The following ZNF37A variants were observed in gnomAD, a reference collection of about 807,000 sequenced individuals.
ZNF37A encodes zinc finger protein 37a (KOX 21).
In ZNF37A, 10 loss-of-function variants were observed where a neutral mutation model predicts 12.3. The ratio of observed to expected loss-of-function variants is 0.82; its 90% CI spans 0.50 to 1.38. The LOEUF (loss-of-function observed/expected upper bound fraction) is 1.38, where lower values mean the gene tolerates loss of function less well. ZNF37A is among the 40% of genes most tolerant of loss of function. The pLI, the probability that ZNF37A is intolerant of heterozygous loss-of-function variation, is 0.00. For synonymous variants in ZNF37A, 207 were observed against 223.0 expected (o/e 0.93, Z 0.64); for missense variants, 580 against 651.2 (o/e 0.89, Z 1.19).
At position 38,099,011 on chromosome 10, in the gene ZNF37A, G is replaced by A. The variant is rs186976162; in HGVS notation, c.15+2379G>A. 2.4e-4 allele frequency among the ~76,000 whole-genome samples: 37 copies of A among 152,224 alleles called. No homozygotes were observed. In the East Asian group the frequency reaches 6.7e-3, roughly 28 times the overall value. Reference sequence around the variant, plus strand: ...ATATAAGATCATGTCATCTGCAAACGAAAATATTTTTATTTCTTTCCAATT... The same window carrying A: ...ATATAAGATCATGTCATCTGCAAACAAAAATATTTTTATTTCTTTCCAATT... On this transcript the variant is annotated intron_variant, in intron 5 of 7. Transcript: ENST00000685332.
intron 5 of ZNF37A, among the ~76,000 whole-genome samples, chr10:38,112,758 T>TG (rs1564932079): frequency 1.0e-4 from 13 of 130,292 alleles, no homozygotes; most frequent in African/African-American, 3.6e-4. Flanking sequence ...TTCTTTTCTT[T>TG]TCTTTTCTTT....
chr10:38,140,777 C>T (rs552031421), intron 7 of ZNF37A: 2 of 152,238 alleles, frequency 1.3e-5, no homozygotes, highest in South Asian at 4.2e-4. Flanking sequence ...AGGACTGGGG[C>T]AGTGAAAACA....
chr10:38,117,490 T>G lies in ZNF37A; in HGVS notation c.339T>G (p.Ser113=). 6.2e-7 allele frequency: 1 copy of G among 1,612,714 alleles called. No individual in the cohort carries two copies. Among genetic ancestry groups the G allele is most frequent in the Non-Finnish European group, 8.5e-7 (1 of 1,179,618 alleles). ...ATGAAAAGCATGAAATAATTCATTC[T>G]GAAGAGGAACCTTCTGAATATAATA... The part of the protein sequence containing the change: ...FCDEKHEIIH[S]EEEPSEYNKN... Residue 113 remains serine, a synonymous_variant, in exon 8 of 8, where the codon TCT becomes TCG. Coordinates refer to ENST00000685332, the MANE Select transcript of ZNF37A (RefSeq NM_001324250.3).
chr10:38,111,332 G>C (rs562557973), intron 5 of ZNF37A, among the ~76,000 whole-genome samples: 4 of 152,018 alleles, frequency 2.6e-5, no homozygotes, highest in Non-Finnish European at 5.9e-5. Context: ...GGGCCTGTCA[G>C]GGGGTTGGGG....
downstream of ZNF37A, among the ~76,000 whole-genome samples, chr10:38,128,611 A>T (rs1276432083): frequency 6.6e-6 from 1 of 152,160 alleles, no homozygotes; most frequent in Non-Finnish European, 1.5e-5. Context: ...ATTTCTTCCA[A>T]TCATGTTTTC....
At chr10:38,103,811 G>A (rs563637540) in intron 5 of ZNF37A, among the ~76,000 whole-genome samples, 3 of 152,234 alleles carry the variant, frequency 2.0e-5, no homozygotes, top group South Asian at 4.1e-4. Context: ...TTTAGTGGTC[G>A]TCTGTGATTT....
chr10:38,141,394 A>C (rs1334875582), intron 7 of ZNF37A: 1 of 152,160 alleles, frequency 6.6e-6, no homozygotes, highest in Admixed American at 6.6e-5. Context: ...CCTCTGCAAC[A>C]TTCTTCCCTC....
intron 5 of ZNF37A, among the ~76,000 whole-genome samples, chr10:38,097,672 G>T (rs1328750198): frequency 6.6e-6 from 1 of 150,894 alleles, no homozygotes; most frequent in East Asian, 1.9e-4. Flanking sequence ...GTCCTGGTAG[G>T]CTAGGGTGAT....
At position 38,117,642 on chromosome 10, in the gene ZNF37A, A is replaced by G. The variant is rs767410239; in HGVS notation, c.491A>G (p.His164Arg). The G allele has an allele frequency of 3.7e-6, 6 of 1,613,892 alleles. 1 individual carries two copies. In the African/African-American group the frequency reaches 4.0e-5, roughly 11 times the overall value. ...CCTGAGAATTCACTCTTCCTTGTACATAAGAGAGGTTACACAGGACAGAAA... is the reference window on the plus strand; with the variant it reads ...CCTGAGAATTCACTCTTCCTTGTACGTAAGAGAGGTTACACAGGACAGAAA... ...AFPENSLFLV[H>R]KRGYTGQKTC... The change falls in exon 8 of 8, where the codon CAT becomes CGT. Residue 164 changes from histidine to arginine, a missense_variant. Coordinates refer to ENST00000685332, the MANE Select transcript of ZNF37A (RefSeq NM_001324250.3).
rs760818353 is a variant in ZNF37A at position 38,115,107 on chromosome 10, G to GTGTGTGTGTGTGTGTGTA, written c.143-79_143-78insGTGTGTGTATGTGTGTGT. The GTGTGTGTGTGTGTGTGTA allele has an allele frequency of 2.6e-4, 239 of 917,254 alleles. 2 individuals are homozygous for GTGTGTGTGTGTGTGTGTA. Among genetic ancestry groups the GTGTGTGTGTGTGTGTGTA allele is most frequent in the Admixed American group, 3.9e-4 (16 of 40,666 alleles). 56.8% of individuals were successfully genotyped at this position (917,254 alleles called of 1,614,324 possible). A position where few individuals can be genotyped will look rare whatever the true frequency, so the allele number is the denominator to read the frequency against. On this transcript the variant is annotated intron_variant, in intron 6 of 7. Transcript: ENST00000685332. The stretch of plus-strand genomic sequence containing the variant: ...TGTGTGTGTGTGTGTGTGTGTGTGT[G>GTGTGTGTGTGTGTGTGTA]TGTGTGTGTACTGTTTGGGGTATAC...
intron 5 of ZNF37A, among the ~76,000 whole-genome samples, chr10:38,111,015 A>G (rs1168003526): frequency 1.3e-5 from 2 of 152,252 alleles, no homozygotes; most frequent in African/African-American, 2.4e-5. Context: ...TCATTCTACT[A>G]TAAGGACACA....
At chr10:38,107,735 G>T (rs145764568) in intron 5 of ZNF37A, among the ~76,000 whole-genome samples, 4 of 151,970 alleles carry the variant, frequency 2.6e-5, no homozygotes, top group African/African-American at 9.7e-5. Flanking sequence ...CTAAACCAAC[G>T]AAGATCAAAA....
intron 5 of ZNF37A, among the ~76,000 whole-genome samples, chr10:38,104,697 G>T (rs1017931123): frequency 2.0e-5 from 3 of 151,846 alleles, no homozygotes; most frequent in Non-Finnish European, 2.9e-5. Context: ...CCAAGATCTG[G>T]GTGCTTATTG....
At chr10:38,147,774 AAAT>A (rs2070273240) in exon 8 of ZNF37A, 1 of 152,360 alleles carries the variant, frequency 6.6e-6, no homozygotes, top group Admixed American at 6.5e-5. Flanking sequence ...GAAAAAAAGA[AAAT>A]AAAGACACCA....
rs148160741 is a variant in ZNF37A, at chr10:38,118,439, C to A, written c.1288C>A (p.Leu430Ile). The change falls in exon 8 of 8, where the codon CTA becomes ATA. Residue 430 changes from leucine to isoleucine, a missense_variant. Physicochemically the swap from Leu to Ile is conservative, Grantham distance 5. Coordinates refer to ENST00000685332, the MANE Select transcript of ZNF37A (RefSeq NM_001324250.3). ...FSEKSTLTKH[L>I]RTHTGEKPYE... is the part of the protein sequence containing the mutation. Reference sequence around the variant, plus strand: ...TGAGAAGTCAACCCTTACTAAACATCTAAGAACTCACACAGGTGAGAAACC... The same window carrying A: ...TGAGAAGTCAACCCTTACTAAACATATAAGAACTCACACAGGTGAGAAACC... The A allele has an allele frequency of 6.2e-7, 1 of 1,613,992 alleles. No homozygotes were observed. The highest frequency in any genetic ancestry group is 1.1e-5 in the South Asian group (1 of 91,086).
Position 38,120,101 on chromosome 10 carries a change from A to G in ZNF37A, c.*1264A>G, listed in dbSNP as rs560460233. The G allele has an allele frequency of 1.1e-4, 16 of 152,312 alleles. No individual in the cohort carries two copies. In the East Asian group the frequency reaches 2.7e-3, roughly 26 times the overall value. 9.4% of individuals were successfully genotyped at this position (152,312 alleles called of 1,614,324 possible). On this transcript the variant is annotated 3_prime_UTR_variant, in exon 8 of 8. Coordinates refer to ENST00000685332, the MANE Select transcript of ZNF37A (RefSeq NM_001324250.3). ...TAGGTGATACAACTTTTTAAAATGT[A>G]TGTGTAGATATAACTTAAATATGGA...
downstream of ZNF37A, among the ~76,000 whole-genome samples, chr10:38,130,271 C>G (rs2070003862): frequency 6.6e-6 from 1 of 152,150 alleles, no homozygotes; most frequent in Non-Finnish European, 1.5e-5. Flanking sequence ...TTTACCCATT[C>G]ATCTGTTCAT....
At chr10:38,130,963 C>A (rs2070018727) in intron 7 of ZNF37A, among the ~76,000 whole-genome samples, 1 of 152,176 alleles carries the variant, frequency 6.6e-6, no homozygotes, top group Non-Finnish European at 1.5e-5. Flanking sequence ...TGATGTTAAG[C>A]ATCTTTTCAA....
rs149934855 is a variant in ZNF37A, at chr10:38,099,939, G to A, written c.15+3307G>A. ...ATATCTTTTATGGTGAAATGTATTGGGGAACCTGCTCCGATAGTCACGTAG... is the reference window on the plus strand; with the variant it reads ...ATATCTTTTATGGTGAAATGTATTGAGGAACCTGCTCCGATAGTCACGTAG... On this transcript the variant is annotated intron_variant, in intron 5 of 7. Coordinates refer to ENST00000685332, the MANE Select transcript of ZNF37A (RefSeq NM_001324250.3). Among the ~76,000 whole-genome samples, 23 of 152,248 alleles carry A rather than the reference G, an allele frequency of 1.5e-4. No homozygotes were observed. In the East Asian group the frequency reaches 4.1e-3, roughly 27 times the overall value.
Sources: allele counts gnomAD v4.1 joint callset (sites outside exome capture counted in the v4.1 genomes callset), GRCh38; gene constraint gnomAD v4.1.1; transcripts MANE v1.5; gene names NCBI Gene and HGNC (gene_info 2026-07-23, HGNC 2026-07-21).